Variants in SPMIP2 observed in about 807,000 individuals in gnomAD.
SPMIP2 encodes the protein protein SPMIP2.
the SPMIP2 span, among the ~76,000 whole-genome samples, chr4:158,964,868 T>A: frequency 6.6e-6 from 1 of 152,194 alleles, no homozygotes; most frequent in South Asian, 2.1e-4. Context: ...TATCAAACCA[T>A]CAGATCTCAC....
chr4:158,925,581 A>G, the SPMIP2 span, among the ~76,000 whole-genome samples: 1 of 152,176 alleles, frequency 6.6e-6, no homozygotes, highest in African/African-American at 2.4e-5. Context: ...ACTTAGATTC[A>G]TAAGAAGCAC....
chr4:159,055,849 G>A, the SPMIP2 span, among the ~76,000 whole-genome samples: 1 of 152,174 alleles, frequency 6.6e-6, no homozygotes, highest in Non-Finnish European at 1.5e-5. Context: ...AGGGAAATAG[G>A]GGGTCCTTCT....
the SPMIP2 span, among the ~76,000 whole-genome samples, chr4:158,894,730 T>C: frequency 2.6e-5 from 4 of 152,204 alleles, no homozygotes; most frequent in Non-Finnish European, 5.9e-5. Flanking sequence ...TGGAGGAGCA[T>C]TTCCATGAGA....
At chr4:158,988,523 C>T in the SPMIP2 span, among the ~76,000 whole-genome samples, 4 of 152,040 alleles carry the variant, frequency 2.6e-5, no homozygotes, top group African/African-American at 9.7e-5. Context: ...AGCAGCACAT[C>T]AAAAATCTCA....
the SPMIP2 span, among the ~76,000 whole-genome samples, chr4:158,987,459 A>T: frequency 1.3e-5 from 2 of 152,194 alleles, no homozygotes; most frequent in Non-Finnish European, 2.9e-5. Flanking sequence ...GCCATAAAAA[A>T]TGATGAGTTC....
At chr4:158,932,140 C>T in the SPMIP2 span, among the ~76,000 whole-genome samples, 9 of 151,834 alleles carry the variant, frequency 5.9e-5, no homozygotes, top group Non-Finnish European at 1.2e-4. Flanking sequence ...TTTTTCTTTG[C>T]GTAAATAAAT....
At chr4:159,039,369 A>G in the SPMIP2 span, among the ~76,000 whole-genome samples, 3 of 152,182 alleles carry the variant, frequency 2.0e-5, no homozygotes, top group Non-Finnish European at 4.4e-5. Context: ...GAAGTGGCCC[A>G]GGGGAGTGGA....
chr4:159,076,941 T>C, the SPMIP2 span, among the ~76,000 whole-genome samples: 1 of 152,182 alleles, frequency 6.6e-6, no homozygotes, highest in South Asian at 2.1e-4. Context: ...GTTAGACCGA[T>C]TCTCCTGCCT....
the SPMIP2 span, among the ~76,000 whole-genome samples, chr4:158,910,620 G>A: frequency 6.6e-6 from 1 of 152,170 alleles, no homozygotes; most frequent in African/African-American, 2.4e-5. Context: ...TTAAGTCAGT[G>A]GACCCTGAAT....
chr4:159,018,948 G>C, the SPMIP2 span, among the ~76,000 whole-genome samples: 1 of 152,040 alleles, frequency 6.6e-6, no homozygotes, highest in African/African-American at 2.4e-5. Context: ...AAATTAGCTG[G>C]GCATGGTGGC....
At chr4:158,993,750 CCTT>C in the SPMIP2 span, among the ~76,000 whole-genome samples, 1 of 152,206 alleles carries the variant, frequency 6.6e-6, no homozygotes, top group Non-Finnish European at 1.5e-5. Context: ...ACCACAGCCT[CCTT>C]AACTAGTCTT....
the SPMIP2 span, among the ~76,000 whole-genome samples, chr4:159,080,813 T>A: frequency 2.0e-5 from 3 of 152,072 alleles, no homozygotes; most frequent in African/African-American, 7.2e-5. Flanking sequence ...AAGCTCCACC[T>A]CCCAGGTTCA....
chr4:158,920,896 C>T, the SPMIP2 span, among the ~76,000 whole-genome samples: 1 of 152,332 alleles, frequency 6.6e-6, no homozygotes, highest in East Asian at 1.9e-4. Context: ...ACCCCCTCCC[C>T]TTCTGAAACC....
the SPMIP2 span, among the ~76,000 whole-genome samples, chr4:158,910,256 A>G: frequency 7.9e-5 from 12 of 151,984 alleles, no homozygotes; most frequent in South Asian, 2.5e-3. Flanking sequence ...AATCTGGATG[A>G]TGCTGTGCAG....
the SPMIP2 span, among the ~76,000 whole-genome samples, chr4:159,013,824 T>TAATACTATGAAGCTTGAGGACAC: frequency 6.6e-6 from 1 of 152,206 alleles, no homozygotes; most frequent in Admixed American, 6.5e-5. Context: ...CTTGAGGACA[T>TAATACTATGAAGCTTGAGGACAC]AATACTAAGT....
the SPMIP2 span, among the ~76,000 whole-genome samples, chr4:159,037,725 A>C: frequency 6.0e-5 from 9 of 151,022 alleles, no homozygotes; most frequent in Non-Finnish European, 1.3e-4. Flanking sequence ...GTGAGCTGTG[A>C]TCATACCACT....
At chr4:158,978,532 A>G in the SPMIP2 span, among the ~76,000 whole-genome samples, 1 of 152,210 alleles carries the variant, frequency 6.6e-6, no homozygotes, top group Admixed American at 6.5e-5. Flanking sequence ...CTCTAACACA[A>G]TAATAGTGGA....
chr4:158,897,209 T>C, the SPMIP2 span, among the ~76,000 whole-genome samples: 1 of 152,246 alleles, frequency 6.6e-6, no homozygotes, highest in African/African-American at 2.4e-5. Context: ...CCATGGTGTA[T>C]ATGTGCCACA....
the SPMIP2 span, among the ~76,000 whole-genome samples, chr4:158,984,855 G>T: frequency 1.3e-5 from 2 of 151,480 alleles, no homozygotes; most frequent in Admixed American, 1.3e-4. Context: ...CTGGTTTTTT[G>T]AAAGGATCAA....
Sources: gnomAD v4.1 joint callset for allele counts (sites outside exome capture counted in the v4.1 genomes callset) on GRCh38, gnomAD v4.1.1 for gene constraint, MANE v1.5 for transcripts, NCBI Gene and HGNC (gene_info 2026-07-23, HGNC 2026-07-21) for gene names.